The following FOXRED2 variants were observed in gnomAD, a reference collection of about 807,000 sequenced individuals.
FOXRED2 encodes FAD-dependent oxidoreductase domain-containing protein 2.
In FOXRED2, 32 loss-of-function variants were observed where a neutral mutation model predicts 52.5. The ratio of observed to expected loss-of-function variants is 0.61; its 90% confidence interval spans 0.46 to 0.82. FOXRED2 has a LOEUF of 0.82. Among genes scored for constraint, FOXRED2 ranks in the 40% least tolerant of loss-of-function variants. FOXRED2 has a pLI of 0.00. For synonymous variants in FOXRED2, 405 were observed against 398.1 expected (o/e 1.02, Z -0.21); for missense variants, 848 against 937.5 (o/e 0.90, Z 1.25).
At chr22:36,494,304 G>C (rs1050349854) in intron 7 of FOXRED2, among the ~76,000 whole-genome samples, 1 of 152,014 alleles carries the variant, frequency 6.6e-6, no homozygotes, top group Non-Finnish European at 1.5e-5. Context: ...TTTTCGTAGA[G>C]ATGGGGTTTC....
intron 8 of FOXRED2, among the ~76,000 whole-genome samples, chr22:36,492,606 G>T (rs922255593): frequency 6.6e-6 from 1 of 152,148 alleles, no homozygotes; most frequent in East Asian, 1.9e-4. Flanking sequence ...TCCGCCTTCC[G>T]GGTTCAAGCG....
intron 5 of FOXRED2, among the ~76,000 whole-genome samples, chr22:36,499,224 C>T (rs1486527293): frequency 2.6e-5 from 4 of 152,140 alleles, no homozygotes; most frequent in Admixed American, 2.0e-4. Flanking sequence ...CCCAGCCTGC[C>T]TTACTGTCTT....
chr22:36,489,431 G>T lies in FOXRED2; in HGVS notation c.*577C>A, dbSNP rs1933688225. 1 of 152,280 alleles carries T rather than the reference G, an allele frequency of 6.6e-6. No homozygotes were observed. Among genetic ancestry groups the T allele is most frequent in the Non-Finnish European group, 1.5e-5 (1 of 68,080 alleles). The allele number at this position is 152,280 out of a possible 1,614,324, so 9.4% of individuals were successfully genotyped here. On this transcript the variant is annotated 3_prime_UTR_variant, in exon 9 of 9. Transcript: ENST00000397224. ...ACCCTGCTGAAAATGGGGCGGGGAG[G>T]TTGAGGCAGTGTGTGGCAAGTGACA...
rs556650099 is a variant in FOXRED2 at position 36,496,108 on chromosome 22, T to G, written c.1483A>C (p.Ile495Leu). 23 of 1,614,214 alleles carry G rather than the reference T, an allele frequency of 1.4e-5. No individual in the cohort carries two copies. In the South Asian group the frequency reaches 2.4e-4, roughly 17 times the overall value. ...AAATTTCTGCCATATTCCATGTTGA[T>G]GACGAAGAGCCCGTGCTTTGCCTTC... ...GRKAKHGLFV[I>L]NMEYGRNFSG... The change falls in exon 7 of 9, where the codon ATC becomes CTC. Residue 495 changes from isoleucine to leucine, a missense_variant. Physicochemically the swap from Ile to Leu is conservative, Grantham distance 5. Transcript: ENST00000397224.
In FOXRED2 at chr22:36,501,426, G is replaced by C; in HGVS notation, c.1050-19C>G. 6.2e-7 allele frequency: 1 copy of C among 1,612,484 alleles called. No individual in the cohort carries two copies. Among genetic ancestry groups the C allele is most frequent in the Non-Finnish European group, 8.5e-7 (1 of 1,178,718 alleles). On this transcript the variant is annotated intron_variant, in intron 4 of 8. Transcript: ENST00000397224. ...GAGGGACCTGTCAGTGGAAAGGGCT[G>C]TTCATGAAAATAGCTGCTATGTAAG...
chr22:36,495,647 A>G (rs1933875707), intron 7 of FOXRED2, among the ~76,000 whole-genome samples: 1 of 151,420 alleles, frequency 6.6e-6, no homozygotes, highest in Non-Finnish European at 1.5e-5. Flanking sequence ...AGTTCCCTCT[A>G]CTCTTCAGAC....
chr22:36,497,956 G>A, intron 6 of FOXRED2, 35 bp downstream of exon 6: 2 of 1,596,006 alleles, frequency 1.3e-6, no homozygotes, highest in Non-Finnish European at 8.6e-7. Flanking sequence ...GGGAAAGCTG[G>A]GCCGAGGGGA....
At chr22:36,497,929 G>A in intron 6 of FOXRED2, 62 bp downstream of exon 6, 1 of 1,542,784 alleles carries the variant, frequency 6.5e-7, no homozygotes, top group South Asian at 1.2e-5. Context: ...AGGAAGAGAA[G>A]CGCTATGCAG....
chr22:36,495,945 G>A (rs1933883722), intron 7 of FOXRED2, 22 bp downstream of exon 7: 1 of 1,610,392 alleles, frequency 6.2e-7, no homozygotes, highest in Non-Finnish European at 8.5e-7. Context: ...CACAGGTTGG[G>A]GAAGGGCAGA....
rs375721351 is a variant in FOXRED2, at chr22:36,493,322, C to T, written c.1795+311G>A. Among the ~76,000 whole-genome samples, 76 of 152,160 alleles carry T rather than the reference C, an allele frequency of 5.0e-4. No individual in the cohort carries two copies. In the South Asian group the frequency reaches 0.015, roughly 31 times the overall value. ...GGCATGGTGGCATGTGCCTGTAGTC[C>T]CAGCTTCTTGGGAGGCTGAGGCAGG... On this transcript the variant is annotated intron_variant, in intron 8 of 8. Transcript: ENST00000397224.
At position 36,498,099 on chromosome 22, in the gene FOXRED2, G is replaced by C. The variant is rs1161875972; in HGVS notation, c.1274C>G (p.Thr425Ser). ...GGTCAGCTGTGTGATGGGGAGCTCA[G>C]TGGCGGGCCAGGTGACGCTGTGGTG... ...HRHHSVTWPA[T>S]ELPITQLTSS... Residue 425 changes from threonine (T) to serine (S), a missense_variant, in exon 6 of 9, where the codon ACT becomes AGT. Physicochemically the swap from Thr to Ser is moderately conservative, Grantham distance 58. Coordinates refer to ENST00000397224, the MANE Select transcript of FOXRED2 (RefSeq NM_001102371.2). 6.2e-7 allele frequency: 1 copy of C among 1,613,652 alleles called. No homozygotes were observed. The highest frequency in any genetic ancestry group is 8.5e-7 in the Non-Finnish European group (1 of 1,179,996).
intron 5 of FOXRED2, among the ~76,000 whole-genome samples, chr22:36,500,347 G>T (rs977870546): frequency 1.1e-4 from 16 of 152,118 alleles, no homozygotes; most frequent in African/African-American, 3.9e-4. Context: ...TCAGTGCTCA[G>T]CCCACTGAAG....
chr22:36,493,561 G>GA, intron 8 of FOXRED2, 72 bp downstream of exon 8: 1 of 1,355,698 alleles, frequency 7.4e-7, no homozygotes, highest in Non-Finnish European at 1.0e-6. Flanking sequence ...GAAACTCCAC[G>GA]GGTCTTGGGT....
chr22:36,493,502 C>A lies in FOXRED2; in HGVS notation c.1795+131G>T, dbSNP rs1568986893. Reference sequence around the variant, plus strand: ...AGGTGAGTTGTAATTTAACCCACGGCATTGTCGGGAACAGTAGTCTGGGGT... The same window carrying A: ...AGGTGAGTTGTAATTTAACCCACGGAATTGTCGGGAACAGTAGTCTGGGGT... On this transcript the variant is annotated intron_variant, in intron 8 of 8. Transcript: ENST00000397224. 1.7e-5 allele frequency: 11 copies of A among 660,228 alleles called. No homozygotes were observed. The Admixed American group carries it at 2.1e-4, about 13-fold the overall frequency. The allele number at this position is 660,228 out of a possible 1,614,324, so 40.9% of individuals were successfully genotyped here.
chr22:36,503,275 C>T (rs1652464861), intron 4 of FOXRED2, among the ~76,000 whole-genome samples: 1 of 151,710 alleles, frequency 6.6e-6, no homozygotes, highest in African/African-American at 2.4e-5. Context: ...AGGTGTGAGA[C>T]CATGAGCCAC....
intron 8 of FOXRED2, 53 bp from the exon 9 acceptor site, chr22:36,490,320 G>A: frequency 6.6e-7 from 1 of 1,524,640 alleles, no homozygotes; most frequent in Non-Finnish European, 8.8e-7. Flanking sequence ...TGTGGGGAGG[G>A]GTGCAGAAAG....
At chr22:36,499,639 A>C (rs1459259011) in intron 5 of FOXRED2, among the ~76,000 whole-genome samples, 4 of 152,064 alleles carry the variant, frequency 2.6e-5, no homozygotes, top group African/African-American at 7.2e-5. Context: ...AAAAATAATA[A>C]TACTAATTTT....
chr22:36,496,165 T>A lies in FOXRED2; in HGVS notation c.1426A>T (p.Met476Leu). Residue 476 changes from methionine (M) to leucine (L), a missense_variant, in exon 7 of 9, where the codon ATG (methionine) becomes TTG (leucine). By Grantham distance (15) the Met-to-Leu change is conservative. Coordinates refer to ENST00000397224, the MANE Select transcript of FOXRED2 (RefSeq NM_001102371.2). ...GTGAGTGTCTCCAGCTGGGCCAGCATCTGTATGGGGAACTCCTCCAGGTAC... is the reference window on the plus strand; with the variant it reads ...GTGAGTGTCTCCAGCTGGGCCAGCAACTGTATGGGGAACTCCTCCAGGTAC... ...FEYLEEFPIQ[M>L]LAQLETLTGR... 1.2e-6 allele frequency: 2 copies of A among 1,614,060 alleles called. No homozygotes were observed. Among genetic ancestry groups the A allele is most frequent in the Non-Finnish European group, 1.7e-6 (2 of 1,180,028 alleles).
intron 4 of FOXRED2, among the ~76,000 whole-genome samples, chr22:36,503,707 TA>T (rs1254988215): frequency 3.0e-4 from 45 of 152,346 alleles, no homozygotes; most frequent in African/African-American, 1.0e-3. Context: ...ACAGCGTGGT[TA>T]AATAACTTCC....
Sources: allele counts gnomAD v4.1 joint callset (sites outside exome capture counted in the v4.1 genomes callset), GRCh38; gene constraint gnomAD v4.1.1; transcripts MANE v1.5; gene names NCBI Gene and HGNC (gene_info 2026-07-23, HGNC 2026-07-21).